Variants in SLC35F1 observed in about 807,000 individuals in gnomAD.
SLC35F1 encodes the protein solute carrier family 35 member F1.
In SLC35F1, 14 loss-of-function variants were observed where a neutral mutation model predicts 48.7. That is an observed-to-expected ratio of 0.29 (90% CI 0.19 to 0.45). The LOEUF (loss-of-function observed/expected upper bound fraction) is 0.45, where lower values mean the gene tolerates loss of function less well. SLC35F1 is among the 20% of genes least tolerant of loss of function. The pLI is 1.00. For missense variants in SLC35F1, 404 were observed against 500.0 expected (o/e 0.81, Z 1.83); for synonymous variants, 190 against 202.2 (o/e 0.94, Z 0.51).
At chr6:118,008,275 A>C (rs1328643252) in intron 1 of SLC35F1, among the ~76,000 whole-genome samples, 1 of 2,392 alleles carries the variant, frequency 4.2e-4, no homozygotes, top group Non-Finnish European at 2.3e-3. Flanking sequence ...GTACACAGCA[A>C]AAAAGAAAAA....
intron 6 of SLC35F1, among the ~76,000 whole-genome samples, chr6:118,282,029 A>G (rs1475745106): frequency 6.6e-6 from 1 of 152,226 alleles, no homozygotes; most frequent in Non-Finnish European, 1.5e-5. Context: ...ATCAAATTCT[A>G]TCCTTAGTGA....
At chr6:118,154,385 C>T (rs1774108527) in intron 1 of SLC35F1, 60 bp from the exon 2 acceptor site, 1 of 1,484,388 alleles carries the variant, frequency 6.7e-7, no homozygotes, top group Non-Finnish European at 9.1e-7. Context: ...GTTTTAATTG[C>T]TATTGTTTTA....
chr6:118,168,614 C>T (rs1037295533), intron 2 of SLC35F1, among the ~76,000 whole-genome samples: 3 of 152,086 alleles, frequency 2.0e-5, no homozygotes, highest in Admixed American at 2.0e-4. Flanking sequence ...TGAGTCACTT[C>T]CAAGACTCTT....
At chr6:118,161,903 A>T (rs1402874872) in intron 2 of SLC35F1, among the ~76,000 whole-genome samples, 1 of 152,172 alleles carries the variant, frequency 6.6e-6, no homozygotes, top group Non-Finnish European at 1.5e-5. Context: ...AGCAACTGGA[A>T]CTCTCATATA....
intron 1 of SLC35F1, among the ~76,000 whole-genome samples, chr6:117,953,720 A>G (rs1776392113): frequency 6.6e-6 from 1 of 152,216 alleles, no homozygotes; most frequent in Non-Finnish European, 1.5e-5. Context: ...TGAATGTTCC[A>G]GAGTCCCCAA....
At chr6:118,237,078 T>A (rs552524212) in intron 3 of SLC35F1, among the ~76,000 whole-genome samples, 23 of 152,214 alleles carry the variant, frequency 1.5e-4, no homozygotes, top group African/African-American at 4.8e-4. Flanking sequence ...TTAAAAAATA[T>A]ATTGGGGGAT....
intron 1 of SLC35F1, among the ~76,000 whole-genome samples, chr6:118,140,394 C>T (rs1773868143): frequency 2.0e-5 from 3 of 152,112 alleles, no homozygotes; most frequent in South Asian, 4.1e-4. Context: ...AGTGTAGTAG[C>T]GCAATGTATT....
At chr6:118,154,223 G>A (rs1774105787) in intron 1 of SLC35F1, among the ~76,000 whole-genome samples, 1 of 152,092 alleles carries the variant, frequency 6.6e-6, no homozygotes, top group Non-Finnish European at 1.5e-5. Flanking sequence ...TTACATGACT[G>A]TGAGCAAACT....
At chr6:117,997,912 T>C (rs1160850266) in intron 1 of SLC35F1, among the ~76,000 whole-genome samples, 2 of 151,946 alleles carry the variant, frequency 1.3e-5, no homozygotes, top group African/African-American at 4.8e-5. Flanking sequence ...AGGATCAAAT[T>C]CACACACAAC....
intron 2 of SLC35F1, among the ~76,000 whole-genome samples, chr6:118,219,432 A>G (rs1358052762): frequency 6.6e-6 from 1 of 152,210 alleles, no homozygotes; most frequent in Non-Finnish European, 1.5e-5. Context: ...CATAAGAGAA[A>G]TGCAAATCAA....
chr6:117,927,443 C>A (rs973997862), intron 1 of SLC35F1, among the ~76,000 whole-genome samples: 1 of 152,134 alleles, frequency 6.6e-6, no homozygotes, highest in Admixed American at 6.6e-5. Context: ...AACTGCAAAG[C>A]AGAAGGTGTG....
At chr6:117,989,566 A>G (rs1200604918) in intron 1 of SLC35F1, among the ~76,000 whole-genome samples, 2 of 152,236 alleles carry the variant, frequency 1.3e-5, no homozygotes, top group Non-Finnish European at 2.9e-5. Flanking sequence ...GGAGTTTTAA[A>G]AATGGAAACT....
intron 1 of SLC35F1, among the ~76,000 whole-genome samples, chr6:117,965,499 G>T (rs547010586): frequency 6.6e-6 from 1 of 152,192 alleles, no homozygotes; most frequent in East Asian, 1.9e-4. Flanking sequence ...CTTTTGGAAT[G>T]AATGGCCTGG....
chr6:118,203,241 T>A (rs1774893298), intron 2 of SLC35F1, among the ~76,000 whole-genome samples: 1 of 152,204 alleles, frequency 6.6e-6, no homozygotes, highest in South Asian at 2.1e-4. Flanking sequence ...TCTCTGAGGT[T>A]CATAGGGCTC....
At chr6:118,158,088 G>A (rs1346632558) in intron 2 of SLC35F1, among the ~76,000 whole-genome samples, 1 of 152,182 alleles carries the variant, frequency 6.6e-6, no homozygotes, top group African/African-American at 2.4e-5. Flanking sequence ...ATACCAGTCT[G>A]TGATGGAGAG....
intron 2 of SLC35F1, among the ~76,000 whole-genome samples, chr6:118,220,618 G>T (rs1482944656): frequency 6.6e-6 from 1 of 152,158 alleles, no homozygotes; most frequent in Non-Finnish European, 1.5e-5. Flanking sequence ...CTGAGCCCCA[G>T]CCCAGACCTA....
intron 2 of SLC35F1, among the ~76,000 whole-genome samples, chr6:118,216,197 C>T (rs2114555908): frequency 1.3e-5 from 2 of 151,066 alleles, no homozygotes; most frequent in East Asian, 3.9e-4. Context: ...ACCAGCTCAG[C>T]CTCTCTTGTA....
intron 3 of SLC35F1, among the ~76,000 whole-genome samples, chr6:118,237,343 A>G (rs868043996): frequency 2.6e-5 from 4 of 151,918 alleles, no homozygotes; most frequent in African/African-American, 9.7e-5. Context: ...ACACACACAC[A>G]CACACACACA....
At chr6:118,153,365 TTATACAA>T (rs1475669006) in intron 1 of SLC35F1, among the ~76,000 whole-genome samples, 1 of 152,258 alleles carries the variant, frequency 6.6e-6, no homozygotes, top group African/African-American at 2.4e-5. Context: ...GCTTTGATTA[TTATACAA>T]TGTGAACATG....
Sources: allele counts gnomAD v4.1 joint callset (sites outside exome capture counted in the v4.1 genomes callset), GRCh38; gene constraint gnomAD v4.1.1; transcripts MANE v1.5; gene names NCBI Gene and HGNC (gene_info 2026-07-23, HGNC 2026-07-21).